The following GALNT2 variants were observed in gnomAD, a reference collection of about 807,000 sequenced individuals.
GALNT2 encodes UDP-GalNAc:polypeptide N-acetylgalactosaminyltransferase 2.
Under a neutral mutation model 81.4 loss-of-function variants are expected in GALNT2, and 31 were observed. The ratio of observed to expected loss-of-function variants is 0.38; its 90% CI spans 0.29 to 0.51. GALNT2 has a LOEUF of 0.51. GALNT2 is among the 20% of genes least tolerant of loss of function. The pLI, the probability that GALNT2 is intolerant of heterozygous loss-of-function variation, is 0.87. For missense variants in GALNT2, 629 were observed against 765.7 expected (o/e 0.82, Z 2.11); for synonymous variants, 303 against 287.4 (o/e 1.05, Z -0.55).
At chr1:230,218,544 C>G (rs543187458) in intron 3 of GALNT2, among the ~76,000 whole-genome samples, 1 of 152,208 alleles carries the variant, frequency 6.6e-6, no homozygotes, top group African/African-American at 2.4e-5. Context: ...CAGTACTAAA[C>G]GAATACTAGC....
chr1:230,085,527 G>A (rs766613490), intron 1 of GALNT2, among the ~76,000 whole-genome samples: 16 of 152,284 alleles, frequency 1.1e-4, no homozygotes, highest in South Asian at 4.1e-4. Flanking sequence ...TTTCCCACTC[G>A]TAAGCCCCTG....
upstream of GALNT2, among the ~76,000 whole-genome samples, chr1:230,065,809 G>T (rs971575559): frequency 7.2e-5 from 11 of 152,060 alleles, no homozygotes; most frequent in Non-Finnish European, 1.6e-4. Flanking sequence ...TCATTGTCAG[G>T]CCTCTGAAGG....
upstream of GALNT2, among the ~76,000 whole-genome samples, chr1:230,065,830 CT>C (rs1426218770): frequency 2.0e-5 from 3 of 152,156 alleles, no homozygotes; most frequent in Non-Finnish European, 2.9e-5. Context: ...ACATTATCTT[CT>C]TTTCGTATTT....
chr1:230,173,206 G>A (rs745541925), intron 1 of GALNT2, among the ~76,000 whole-genome samples: 2 of 152,288 alleles, frequency 1.3e-5, no homozygotes, highest in South Asian at 4.1e-4. Context: ...AGACCACAGC[G>A]CTGTACTTTA....
chr1:230,264,008 G>C (rs1213322279), intron 13 of GALNT2: 3 of 152,206 alleles, frequency 2.0e-5, no homozygotes. Context: ...CCCCTAGGAG[G>C]AGAACAGGAG....
At position 230,254,352 on chromosome 1, in the gene GALNT2, C is replaced by G. The variant is rs545197712; in HGVS notation, c.1010-866C>G. Among the ~76,000 whole-genome samples, 546 of 152,312 alleles carry G rather than the reference C, an allele frequency of 3.6e-3. 1 individual carries two copies. The highest frequency in any genetic ancestry group is 0.012 in the African/African-American group (516 of 41,570). On this transcript the variant is annotated intron_variant, in intron 10 of 15. Transcript: ENST00000366672. ...AGTGCCTAGACCTACACATCTCATT[C>G]CTCCTGCCGGTCAGTTCTGTGTTGA... is the stretch of plus-strand genomic sequence containing the variant.
intron 1 of GALNT2, among the ~76,000 whole-genome samples, chr1:230,141,788 C>CT (rs60824749): frequency 0.017 from 1,695 of 101,228 alleles, 36 homozygotes; most frequent in Middle Eastern, 0.049. Flanking sequence ...TTTTGTTTTC[C>CT]TTTTTTTTTT....
At chr1:230,232,268 A>G (rs1454115958) in intron 3 of GALNT2, among the ~76,000 whole-genome samples, 2 of 152,316 alleles carry the variant, frequency 1.3e-5, no homozygotes, top group African/African-American at 2.4e-5. Flanking sequence ...GCCTTAAAAA[A>G]TGGGATCCCT....
chr1:230,059,192 C>T (rs115769140), intron 1 of GALNT2, among the ~76,000 whole-genome samples: 2,895 of 152,224 alleles, frequency 0.019, 72 homozygotes, highest in African/African-American at 0.053. Flanking sequence ...ACAGGGCTCC[C>T]GACAACTCTG....
intron 3 of GALNT2, among the ~76,000 whole-genome samples, chr1:230,218,384 C>A (rs1664450751): frequency 6.6e-6 from 1 of 152,208 alleles, no homozygotes; most frequent in Non-Finnish European, 1.5e-5. Context: ...TCCCAGTTAT[C>A]CCTTTAGCAG....
intron 10 of GALNT2, among the ~76,000 whole-genome samples, chr1:230,254,707 G>C (rs1665653829): frequency 6.6e-6 from 1 of 152,132 alleles, no homozygotes; most frequent in Non-Finnish European, 1.5e-5. Context: ...GGCATATATG[G>C]TTGTCTAGAA....
intron 2 of GALNT2, among the ~76,000 whole-genome samples, chr1:230,190,196 G>C (rs1364113873): frequency 6.6e-6 from 1 of 152,192 alleles, no homozygotes; most frequent in Non-Finnish European, 1.5e-5. Flanking sequence ...ATTCAGATAA[G>C]CAAAAATAAG....
In GALNT2 at chr1:230,255,770, G is replaced by C. The variant is rs150664347; in HGVS notation, c.1136+426G>C. On this transcript the variant is annotated intron_variant, in intron 11 of 15. Coordinates refer to ENST00000366672, the MANE Select transcript of GALNT2 (RefSeq NM_004481.5). ...ATCTTCATGAGTGTGAAGGCTCTTA[G>C]AACTGTACACCACCCCCCAAAATGT... Among the ~76,000 whole-genome samples the C allele has an allele frequency of 2.8e-3, 432 of 152,254 alleles. 6 individuals carry two copies. The highest frequency in any genetic ancestry group is 0.01 in the African/African-American group (419 of 41,546).
chr1:230,208,018 G>A (rs1182274201), intron 3 of GALNT2, among the ~76,000 whole-genome samples: 3 of 152,108 alleles, frequency 2.0e-5, no homozygotes, highest in Non-Finnish European at 4.4e-5. Context: ...GGGTAATTGG[G>A]ATATCCCTCA....
intron 1 of GALNT2, among the ~76,000 whole-genome samples, chr1:230,119,908 C>A (rs1230228977): frequency 6.6e-6 from 1 of 152,118 alleles, no homozygotes; most frequent in Non-Finnish European, 1.5e-5. Flanking sequence ...ATTGTCATGG[C>A]CTTTGAGGAC....
Position 230,236,644 on chromosome 1 carries a change from T to G in GALNT2, c.542-16T>G, listed in dbSNP as rs770107442. ...AACTCCAGGTTCAAAATGCTCTGCT[T>G]CTTTTCTTTTCCTAGCTGAGGACGG... On this transcript the variant is annotated splice_polypyrimidine_tract_variant and intron_variant, in intron 5 of 15. Transcript: ENST00000366672. 5 of 1,607,078 alleles carry G rather than the reference T, an allele frequency of 3.1e-6. No individual in the cohort carries two copies. Among genetic ancestry groups the G allele is most frequent in the Admixed American group, 1.7e-5 (1 of 57,834 alleles).
intron 1 of GALNT2, among the ~76,000 whole-genome samples, chr1:230,059,176 A>G (rs1470788195): frequency 6.6e-6 from 1 of 152,208 alleles, no homozygotes. Flanking sequence ...TGTATCATTA[A>G]ATTGTACAGG....
rs141138792 is a variant in GALNT2, at chr1:230,126,099, C to G, written c.127-52119C>G. ...GCAGGGAGGCCTTTTGGAACAGAAA[C>G]CCTGAGCCACACTTGAAGAATGATG... On this transcript the variant is annotated intron_variant, in intron 1 of 15. Coordinates refer to ENST00000366672, the MANE Select transcript of GALNT2 (RefSeq NM_004481.5). Among the ~76,000 whole-genome samples, 286 of 152,330 alleles carry G rather than the reference C, an allele frequency of 1.9e-3. 1 individual carries two copies. The Middle Eastern group carries it at 0.024, about 13-fold the overall frequency.
chr1:230,259,266 A>G (rs1273819163), intron 11 of GALNT2, among the ~76,000 whole-genome samples: 1 of 152,208 alleles, frequency 6.6e-6, no homozygotes, highest in African/African-American at 2.4e-5. Context: ...ACCTAATGAG[A>G]TATCTTGGGG....
Sources: allele counts gnomAD v4.1 joint callset (sites outside exome capture counted in the v4.1 genomes callset), GRCh38; gene constraint gnomAD v4.1.1; transcripts MANE v1.5; gene names NCBI Gene and HGNC (gene_info 2026-07-23, HGNC 2026-07-21).